The following SORCS3 variants were observed in gnomAD, a reference collection of about 807,000 sequenced individuals.
SORCS3 encodes VPS10 domain-containing receptor SorCS3.
SORCS3 carries 57 observed loss-of-function variants against 146.3 expected under a neutral mutation model. That is an observed-to-expected ratio of 0.39 (90% CI 0.31 to 0.49). The LOEUF (loss-of-function observed/expected upper bound fraction) is 0.49. SORCS3 is among the 20% of genes least tolerant of loss of function. SORCS3 has a pLI of 0.92. For missense variants in SORCS3, 1,341 were observed against 1,575.5 expected (o/e 0.85, Z 2.52); for synonymous variants, 653 against 618.5 (o/e 1.06, Z -0.83).
At chr10:104,717,341 A>G (rs954948770) in intron 1 of SORCS3, among the ~76,000 whole-genome samples, 4 of 150,542 alleles carry the variant, frequency 2.7e-5, no homozygotes, top group African/African-American at 9.8e-5. Context: ...GTCAGCATGC[A>G]GTAAAACAAA....
chr10:104,910,382 G>A (rs750470509), intron 2 of SORCS3, among the ~76,000 whole-genome samples: 10 of 152,146 alleles, frequency 6.6e-5, no homozygotes, highest in Non-Finnish European at 1.3e-4. Flanking sequence ...AAGAAGCCAC[G>A]CATAAGAATG....
chr10:104,846,748 C>G (rs1400062835), intron 2 of SORCS3, among the ~76,000 whole-genome samples: 2 of 152,154 alleles, frequency 1.3e-5, no homozygotes, highest in African/African-American at 4.8e-5. Context: ...GTAAATTTGT[C>G]GTTTAGCACA....
At chr10:105,140,168 G>A (rs2056085453) in intron 8 of SORCS3, among the ~76,000 whole-genome samples, 1 of 152,102 alleles carries the variant, frequency 6.6e-6, no homozygotes, top group South Asian at 2.1e-4. Flanking sequence ...TCTCAGGTTG[G>A]ACACATATCA....
intron 4 of SORCS3, among the ~76,000 whole-genome samples, chr10:105,026,280 C>T (rs977910074): frequency 6.6e-6 from 1 of 152,232 alleles, no homozygotes; most frequent in African/African-American, 2.4e-5. Context: ...CTCCCCTGGA[C>T]AGCCACAGTC....
intron 1 of SORCS3, among the ~76,000 whole-genome samples, chr10:104,763,146 T>C (rs1447689274): frequency 6.6e-6 from 1 of 152,224 alleles, no homozygotes; most frequent in Non-Finnish European, 1.5e-5. Context: ...ACCCCAAACC[T>C]GCTGAATGAG....
chr10:104,912,327 T>C (rs1353594952), intron 2 of SORCS3, among the ~76,000 whole-genome samples: 1 of 152,240 alleles, frequency 6.6e-6, no homozygotes, highest in Non-Finnish European at 1.5e-5. Context: ...ATTAACTCTG[T>C]AAAATATTTT....
At chr10:105,155,800 T>C (rs528837875) in intron 9 of SORCS3, among the ~76,000 whole-genome samples, 2 of 152,330 alleles carry the variant, frequency 1.3e-5, no homozygotes, top group South Asian at 4.1e-4. Context: ...GGTAGCAATC[T>C]AATCAATTCC....
At chr10:104,780,052 G>T (rs1299928337) in intron 1 of SORCS3, among the ~76,000 whole-genome samples, 1 of 151,546 alleles carries the variant, frequency 6.6e-6, no homozygotes. Context: ...GGGCAGCGGG[G>T]CAGGAGTAGG....
intron 20 of SORCS3, among the ~76,000 whole-genome samples, chr10:105,242,504 A>ATATACATTTATATATATTTATATATATT (rs1564793556): frequency 3.4e-5 from 3 of 87,348 alleles, no homozygotes; most frequent in Non-Finnish European, 4.0e-5. Flanking sequence ...ATATATATTT[A>ATATACATTTATATATATTTATATATATT]TATATATTTA....
At chr10:105,032,766 C>T (rs76863502) in intron 4 of SORCS3, among the ~76,000 whole-genome samples, 179 of 152,202 alleles carry the variant, frequency 1.2e-3, no homozygotes, top group Non-Finnish European at 2.3e-3. Context: ...AAAAACAAAT[C>T]TGAACCTGGA....
chr10:105,125,543 A>C lies in SORCS3; in HGVS notation c.1213-13854A>C, dbSNP rs552125304. On this transcript the variant is annotated intron_variant, in intron 7 of 26. Coordinates refer to ENST00000369701, the MANE Select transcript of SORCS3 (RefSeq NM_014978.3). ...CATGATTCTCCTCCTTAAACAAGAAATATTCAGAACAACCTACACTTTCTT... is the reference window on the plus strand; with the variant it reads ...CATGATTCTCCTCCTTAAACAAGAACTATTCAGAACAACCTACACTTTCTT... Among the ~76,000 whole-genome samples the C allele has an allele frequency of 2.0e-5, 3 of 152,270 alleles. No homozygotes were observed. The East Asian group carries it at 5.8e-4, about 30-fold the overall frequency.
Position 105,078,009 on chromosome 10 carries a change from T to G in SORCS3, c.1029-11766T>G, listed in dbSNP as rs541650207. 4.6e-5 allele frequency among the ~76,000 whole-genome samples: 7 copies of G among 152,362 alleles called. No homozygotes were observed. The South Asian group carries it at 1.2e-3, about 27-fold the overall frequency. On this transcript the variant is annotated intron_variant, in intron 5 of 26. Coordinates refer to ENST00000369701, the MANE Select transcript of SORCS3 (RefSeq NM_014978.3). ...GAGCTGGATGAGATCCCTGAGTTCT[T>G]GCTGCCCTAGCGTTTTCACAGGACG...
chr10:105,162,735 T>C (rs2056276180), intron 11 of SORCS3, among the ~76,000 whole-genome samples: 1 of 152,080 alleles, frequency 6.6e-6, no homozygotes, highest in African/African-American at 2.4e-5. Context: ...GCTAAAGATG[T>C]TGACAGAACC....
chr10:105,033,035 G>A (rs1291328661), intron 4 of SORCS3, among the ~76,000 whole-genome samples: 4 of 152,160 alleles, frequency 2.6e-5, no homozygotes, highest in East Asian at 3.8e-4. Flanking sequence ...AAATGGTTGA[G>A]GGAATTGGAC....
At chr10:105,072,048 C>T (rs943481843) in intron 5 of SORCS3, among the ~76,000 whole-genome samples, 2 of 152,154 alleles carry the variant, frequency 1.3e-5, no homozygotes, top group African/African-American at 4.8e-5. Context: ...GCAGAAGTAT[C>T]AGCATTTTAA....
chr10:104,646,226 C>T (rs530527781), intron 1 of SORCS3, among the ~76,000 whole-genome samples: 4 of 152,262 alleles, frequency 2.6e-5, no homozygotes, highest in African/African-American at 7.2e-5. Context: ...CTTCTCAGAT[C>T]CTTCAGTGAT....
At chr10:105,140,232 T>C (rs564213023) in intron 8 of SORCS3, among the ~76,000 whole-genome samples, 2 of 152,286 alleles carry the variant, frequency 1.3e-5, no homozygotes, top group South Asian at 2.1e-4. Flanking sequence ...GAACATATTA[T>C]GAAAGACTAA....
At chr10:104,966,778 T>C (rs534170602) in intron 3 of SORCS3, among the ~76,000 whole-genome samples, 1 of 152,290 alleles carries the variant, frequency 6.6e-6, no homozygotes, top group Non-Finnish European at 1.5e-5. Context: ...CCAATACTAA[T>C]GTTGACTGGT....
intron 3 of SORCS3, among the ~76,000 whole-genome samples, chr10:104,973,862 T>G (rs2054877244): frequency 6.7e-6 from 1 of 149,428 alleles, no homozygotes; most frequent in South Asian, 2.1e-4. Context: ...TACACACTGC[T>G]TTGAATGCGT....
Sources: gnomAD v4.1 joint callset for allele counts (sites outside exome capture counted in the v4.1 genomes callset) on GRCh38, gnomAD v4.1.1 for gene constraint, MANE v1.5 for transcripts, NCBI Gene and HGNC (gene_info 2026-07-23, HGNC 2026-07-21) for gene names.